The following SPIRE1 variants were observed in gnomAD, a reference collection of about 807,000 sequenced individuals.
SPIRE1 encodes protein spire homolog 1.
A neutral mutation model predicts 94.1 loss-of-function variants in SPIRE1; 40 were observed. The observed-to-expected ratio is 0.43, with a 90% CI of 0.33 to 0.55. The LOEUF (loss-of-function observed/expected upper bound fraction) is 0.55, where lower values mean the gene tolerates loss of function less well. SPIRE1 is among the 20% of genes least tolerant of loss of function. The pLI is 0.06. For synonymous variants in SPIRE1, 376 were observed against 371.7 expected, an observed-to-expected ratio of 1.01 and a Z score of -0.13; for missense variants, 838 against 975.2, an observed-to-expected ratio of 0.86 and a Z score of 1.87.
intron 2 of SPIRE1, among the ~76,000 whole-genome samples, chr18:12,566,017 TACAA>T (rs918240267): frequency 2.9e-5 from 4 of 136,594 alleles, no homozygotes; most frequent in Non-Finnish European, 3.1e-5. Flanking sequence ...TGGGCGACAA[TACAA>T]ACAAACAAAC....
intron 4 of SPIRE1, among the ~76,000 whole-genome samples, chr18:12,520,062 T>C (rs1338047540): frequency 2.0e-5 from 3 of 152,148 alleles, no homozygotes; most frequent in Non-Finnish European, 2.9e-5. Flanking sequence ...GTTAAACTCA[T>C]TACACCATAC....
intron 2 of SPIRE1, among the ~76,000 whole-genome samples, chr18:12,578,724 T>C (rs1047004707): frequency 2.0e-5 from 3 of 152,220 alleles, no homozygotes; most frequent in African/African-American, 7.2e-5. Flanking sequence ...GTCAATCTCT[T>C]ACTCTTTAGT....
At chr18:12,509,952 GTGC>G (rs1159696637) in intron 5 of SPIRE1, among the ~76,000 whole-genome samples, 1 of 151,966 alleles carries the variant, frequency 6.6e-6, no homozygotes, top group Non-Finnish European at 1.5e-5. Context: ...GGGTGTGGTG[GTGC>G]GCACCTGTAA....
intron 8 of SPIRE1, among the ~76,000 whole-genome samples, chr18:12,490,807 T>C (rs980957558): frequency 2.0e-5 from 3 of 152,116 alleles, no homozygotes; most frequent in Non-Finnish European, 4.4e-5. Context: ...AGGCCACATA[T>C]GGAAAGCTGA....
chr18:12,648,878 G>A lies in SPIRE1; in HGVS notation c.337+8652C>T, dbSNP rs1167319724. Among the ~76,000 whole-genome samples, 34 of 89,398 alleles carry A rather than the reference G, an allele frequency of 3.8e-4. No individual in the cohort carries two copies. In the Admixed American group the frequency reaches 4.8e-3, roughly 13 times the overall value. The allele number at this position is 89,398 out of a possible 152,430, so 58.6% of individuals were successfully genotyped here. On this transcript the variant is annotated intron_variant, in intron 1 of 16. Transcript: ENST00000409402. ...GCACTCCAGCCTGGACAAGAAGAGC[G>A]AAACTCCGTCTCAAAAAAAAAAAAA... is the stretch of plus-strand genomic sequence containing the variant.
At chr18:12,548,172 A>G (rs893796342) in intron 2 of SPIRE1, among the ~76,000 whole-genome samples, 8 of 152,316 alleles carry the variant, frequency 5.3e-5, no homozygotes, top group South Asian at 4.1e-4. Flanking sequence ...TAATGATCTC[A>G]CTGCTCTCTC....
At chr18:12,609,519 A>G (rs916766735) in intron 2 of SPIRE1, among the ~76,000 whole-genome samples, 3 of 152,000 alleles carry the variant, frequency 2.0e-5, no homozygotes, top group Non-Finnish European at 2.9e-5. Flanking sequence ...TCTCCTTTTC[A>G]TTACCCTGGT....
At chr18:12,558,079 T>C (rs962855278) in intron 2 of SPIRE1, among the ~76,000 whole-genome samples, 1 of 152,212 alleles carries the variant, frequency 6.6e-6, no homozygotes, top group African/African-American at 2.4e-5. Context: ...CAAATGTGTC[T>C]GGAATTGGTG....
At chr18:12,502,085 C>G (rs2033684896) in intron 6 of SPIRE1, among the ~76,000 whole-genome samples, 1 of 152,176 alleles carries the variant, frequency 6.6e-6, no homozygotes, top group African/African-American at 2.4e-5. Flanking sequence ...TTCCCTAAGC[C>G]TCATCTAGGG....
chr18:12,619,717 G>A (rs1431562320), intron 2 of SPIRE1, among the ~76,000 whole-genome samples: 1 of 151,408 alleles, frequency 6.6e-6, no homozygotes, highest in Non-Finnish European at 1.5e-5. Flanking sequence ...ACAGTGGTGT[G>A]TGCCTGTAGT....
At chr18:12,558,660 G>A (rs1314054187) in intron 2 of SPIRE1, among the ~76,000 whole-genome samples, 1 of 152,168 alleles carries the variant, frequency 6.6e-6, no homozygotes, top group African/African-American at 2.4e-5. Context: ...ACAGAGTGCT[G>A]ACTGGTGCAT....
intron 3 of SPIRE1, among the ~76,000 whole-genome samples, chr18:12,543,793 A>C (rs2035077053): frequency 6.6e-6 from 1 of 152,198 alleles, no homozygotes; most frequent in South Asian, 2.1e-4. Flanking sequence ...TCACATTTCT[A>C]CTTCAAACAA....
chr18:12,619,578 GT>G (rs2037406581), intron 2 of SPIRE1, among the ~76,000 whole-genome samples: 1 of 152,064 alleles, frequency 6.6e-6, no homozygotes, highest in African/African-American at 2.4e-5. Flanking sequence ...GCTAGGCGCA[GT>G]GGCTCATGCC....
chr18:12,638,055 T>C (rs2144835534), intron 1 of SPIRE1, among the ~76,000 whole-genome samples: 1 of 152,302 alleles, frequency 6.6e-6, no homozygotes, highest in East Asian at 1.9e-4. Context: ...AAATTCCTGC[T>C]CAAAAGCTAA....
chr18:12,528,451 A>C (rs75444897), intron 4 of SPIRE1, among the ~76,000 whole-genome samples: 2,930 of 152,250 alleles, frequency 0.019, 101 homozygotes, highest in African/African-American at 0.067. Context: ...TCTTAAGGAG[A>C]AGCAGGCATT....
At chr18:12,587,245 G>A (rs1333085419) in intron 2 of SPIRE1, among the ~76,000 whole-genome samples, 1 of 152,162 alleles carries the variant, frequency 6.6e-6, no homozygotes, top group Non-Finnish European at 1.5e-5. Context: ...GACAGACGGT[G>A]TGATGAAGTG....
chr18:12,520,316 ATGT>A, intron 4 of SPIRE1, among the ~76,000 whole-genome samples: 1 of 152,332 alleles, frequency 6.6e-6, no homozygotes, highest in African/African-American at 2.4e-5. Flanking sequence ...GTACAATTTA[ATGT>A]AATATTTTTA....
chr18:12,480,570 CT>C (rs950246726), intron 9 of SPIRE1, among the ~76,000 whole-genome samples: 154 of 152,188 alleles, frequency 1.0e-3, no homozygotes, highest in African/African-American at 3.4e-3. Context: ...ATATAAAATT[CT>C]GTGCCTAGTA....
At chr18:12,639,983 T>C (rs2038042031) in intron 1 of SPIRE1, among the ~76,000 whole-genome samples, 1 of 152,140 alleles carries the variant, frequency 6.6e-6, no homozygotes. Flanking sequence ...CTAGTCCTGA[T>C]ATAAAATGTC....
Sources: allele counts gnomAD v4.1 joint callset (sites outside exome capture counted in the v4.1 genomes callset), GRCh38; gene constraint gnomAD v4.1.1; transcripts MANE v1.5; gene names NCBI Gene and HGNC (gene_info 2026-07-23, HGNC 2026-07-21).